Variants in BABAM2 observed in about 807,000 individuals in gnomAD.
BABAM2 encodes the protein BRISC and BRCA1-A complex member 2.
Under a neutral mutation model 54.7 loss-of-function variants are expected in BABAM2, and 31 were observed. The ratio of observed to expected loss-of-function variants is 0.57; its 90% CI spans 0.43 to 0.77. BABAM2 has a LOEUF of 0.77. Ranked by LOEUF, BABAM2 falls within the 30% of genes least tolerant of loss-of-function variation. The pLI is 0.00. For missense variants in BABAM2, 364 were observed against 455.8 expected, an observed-to-expected ratio of 0.80 and a Z score of 1.83; for synonymous variants, 167 against 162.9, an observed-to-expected ratio of 1.03 and a Z score of -0.19.
intron 10 of BABAM2, among the ~76,000 whole-genome samples, chr2:28,287,850 C>T (rs1202959558): frequency 6.6e-6 from 1 of 152,160 alleles, no homozygotes; most frequent in Non-Finnish European, 1.5e-5. Context: ...AGTTCACACC[C>T]GGCCCCTCTC....
chr2:28,337,424 C>G (rs936835297), intron 11 of BABAM2, among the ~76,000 whole-genome samples: 1 of 152,336 alleles, frequency 6.6e-6, no homozygotes, highest in Non-Finnish European at 1.5e-5. Flanking sequence ...ACGGCGTGAT[C>G]CCATGGCTGG....
chr2:28,254,389 G>A (rs193138246), intron 10 of BABAM2, among the ~76,000 whole-genome samples: 19 of 152,092 alleles, frequency 1.2e-4, no homozygotes, highest in African/African-American at 3.6e-4. Context: ...CTCCCGCCTC[G>A]ATCTCCCAAA....
In BABAM2 at chr2:28,026,909, TATATATTA is replaced by T. The variant is rs1558667690; in HGVS notation, c.495+1496_495+1503del. On this transcript the variant is annotated intron_variant, in intron 5 of 11. Coordinates refer to ENST00000379624, the MANE Select transcript of BABAM2 (RefSeq NM_199191.3). Reference sequence around the variant, plus strand: ...ATAGATATATATAAATATATATAAATATATATTAATATATATAAATATATATATAAATA... The same window carrying T: ...ATAGATATATATAAATATATATAAATATATATATAAATATATATATAAATA... 8.7e-4 allele frequency among the ~76,000 whole-genome samples: 41 copies of T among 46,908 alleles called. 1 individual carries two copies. The South Asian group carries it at 0.018, about 20-fold the overall frequency. 30.8% of individuals were successfully genotyped at this position (46,908 alleles called of 152,430 possible).
chr2:28,028,675 T>C (rs1676067329), intron 5 of BABAM2, among the ~76,000 whole-genome samples: 2 of 152,192 alleles, frequency 1.3e-5, no homozygotes, highest in African/African-American at 4.8e-5. Context: ...ACAGAAAAAG[T>C]TTAGGTGCTC....
At position 28,327,168 on chromosome 2, in the gene BABAM2, C is replaced by G. The variant is rs904569622; in HGVS notation, c.1089-11282C>G. Reference sequence around the variant, plus strand: ...ATGAACGCCAGAGAAAGAAGCTGGTCCCATGGCCGGTGGAGGCTCAGGAGC... The same window carrying G: ...ATGAACGCCAGAGAAAGAAGCTGGTGCCATGGCCGGTGGAGGCTCAGGAGC... On this transcript the variant is annotated intron_variant, in intron 11 of 11. Coordinates refer to ENST00000379624, the MANE Select transcript of BABAM2 (RefSeq NM_199191.3). 28 of 1,202,452 alleles carry G rather than the reference C, an allele frequency of 2.3e-5. No homozygotes were observed. In the Admixed American group the frequency reaches 6.6e-4, roughly 28 times the overall value. 74.5% of individuals were successfully genotyped at this position (1,202,452 alleles called of 1,614,324 possible). A position where few individuals can be genotyped will look rare whatever the true frequency, so the allele number is the denominator to read the frequency against.
At chr2:28,045,047 G>A (rs374922337) in intron 5 of BABAM2, among the ~76,000 whole-genome samples, 62 of 151,882 alleles carry the variant, frequency 4.1e-4, no homozygotes, top group African/African-American at 1.4e-3. Flanking sequence ...AAATTGAGAG[G>A]CAGACGTTTT....
intron 2 of BABAM2, among the ~76,000 whole-genome samples, chr2:27,900,043 T>G (rs1397830326): frequency 2.6e-5 from 4 of 152,198 alleles, no homozygotes; most frequent in Non-Finnish European, 4.4e-5. Flanking sequence ...ATTTCTCGTT[T>G]CTGTAACAAA....
chr2:27,910,363 C>G (rs1666495123), intron 2 of BABAM2, among the ~76,000 whole-genome samples: 1 of 150,994 alleles, frequency 6.6e-6, no homozygotes, highest in Non-Finnish European at 1.5e-5. Flanking sequence ...TTGCTACTTC[C>G]CTCCCCTAAA....
At chr2:27,984,932 A>G (rs918561513) in intron 3 of BABAM2, among the ~76,000 whole-genome samples, 1 of 152,090 alleles carries the variant, frequency 6.6e-6, no homozygotes. Flanking sequence ...CTTATGTGTG[A>G]GAGCATACAA....
chr2:27,968,848 T>TATCACATG (rs757289544), intron 3 of BABAM2, among the ~76,000 whole-genome samples: 262 of 152,340 alleles, frequency 1.7e-3, no homozygotes, highest in Non-Finnish European at 2.5e-3. Context: ...ACTTGCCTTG[T>TATCACATG]ATCACATGAG....
At chr2:28,086,531 C>T (rs886875551) in intron 6 of BABAM2, among the ~76,000 whole-genome samples, 1 of 152,042 alleles carries the variant, frequency 6.6e-6, no homozygotes, top group African/African-American at 2.4e-5. Context: ...AGTTTTTTTG[C>T]GTCTAACCTA....
At chr2:28,326,402 A>G (rs1274602800) in intron 11 of BABAM2, among the ~76,000 whole-genome samples, 2 of 152,080 alleles carry the variant, frequency 1.3e-5, no homozygotes, top group Non-Finnish European at 2.9e-5. Flanking sequence ...GCAGGTGCAG[A>G]TGGGGAGACA....
intron 6 of BABAM2, among the ~76,000 whole-genome samples, chr2:28,059,239 C>T (rs1231648890): frequency 6.6e-6 from 1 of 152,176 alleles, no homozygotes; most frequent in Non-Finnish European, 1.5e-5. Flanking sequence ...ACAGTACACA[C>T]ATACCTTGAT....
intron 3 of BABAM2, chr2:27,930,148 G>A (rs1177657903): frequency 7.5e-6 from 3 of 402,602 alleles, no homozygotes; most frequent in Non-Finnish European, 1.3e-5. Flanking sequence ...GGCATGCCCG[G>A]TAATTTTTAT....
At chr2:28,115,556 G>A (rs905422089) in intron 6 of BABAM2, among the ~76,000 whole-genome samples, 1 of 152,036 alleles carries the variant, frequency 6.6e-6, no homozygotes, top group Admixed American at 6.6e-5. Context: ...AACCTGGGAG[G>A]CAGAGCTTGC....
At chr2:28,229,486 C>G (rs985706349) in intron 7 of BABAM2, among the ~76,000 whole-genome samples, 8 of 152,190 alleles carry the variant, frequency 5.3e-5, no homozygotes, top group Non-Finnish European at 1.2e-4. Flanking sequence ...CATTTACCAA[C>G]TAAATTCCTC....
intron 11 of BABAM2, among the ~76,000 whole-genome samples, chr2:28,317,260 A>G (rs75612388): frequency 0.021 from 3,257 of 152,256 alleles, 52 homozygotes; most frequent in South Asian, 0.032. Context: ...TCCAACTCAG[A>G]GCAGATAGCT....
At chr2:28,010,342 C>T (rs1674298497) in intron 4 of BABAM2, among the ~76,000 whole-genome samples, 1 of 151,816 alleles carries the variant, frequency 6.6e-6, no homozygotes, top group Non-Finnish European at 1.5e-5. Context: ...TTTATTTTTT[C>T]CTTAAGAAAA....
rs576734456 is a variant in BABAM2, at chr2:28,333,488, C to T, written c.1089-4962C>T. On this transcript the variant is annotated intron_variant, in intron 11 of 11. Coordinates refer to ENST00000379624, the MANE Select transcript of BABAM2 (RefSeq NM_199191.3). ...CCTGATTCAGTTCCCTCCACCATGC[C>T]ATGCCTGTGAGCTGAAGCCTGGGCC... Among the ~76,000 whole-genome samples the T allele has an allele frequency of 6.6e-5, 10 of 152,328 alleles. No homozygotes were observed. The South Asian group carries it at 2.1e-3, about 32-fold the overall frequency.
Sources: allele counts gnomAD v4.1 joint callset (sites outside exome capture counted in the v4.1 genomes callset), GRCh38; gene constraint gnomAD v4.1.1; transcripts MANE v1.5; gene names NCBI Gene and HGNC (gene_info 2026-07-23, HGNC 2026-07-21).